Variants in KAZN observed in about 807,000 individuals in gnomAD.
KAZN encodes kazrin.
KAZN carries 40 observed loss-of-function variants against 87.4 expected under a neutral mutation model. That is an observed-to-expected ratio of 0.46 (90% CI 0.36 to 0.60). The LOEUF (loss-of-function observed/expected upper bound fraction) is 0.60. Among genes scored for constraint, KAZN ranks in the 20% least tolerant of loss-of-function variants. KAZN has a pLI of 0.00. For synonymous variants in KAZN, 466 were observed against 458.3 expected (o/e 1.02, Z -0.22); for missense variants, 898 against 1,073.9 (o/e 0.84, Z 2.29).
chr1:14,384,298 A>T (rs563786662), intron 2 of KAZN, among the ~76,000 whole-genome samples: 5 of 151,962 alleles, frequency 3.3e-5, no homozygotes, highest in South Asian at 4.2e-4. Context: ...CTAATTGAAT[A>T]CCCTTTATTT....
At chr1:13,937,706 A>T (rs1171152069) in intron 1 of KAZN, among the ~76,000 whole-genome samples, 1 of 151,230 alleles carries the variant, frequency 6.6e-6, no homozygotes, top group Non-Finnish European at 1.5e-5. Flanking sequence ...TTTTGTGTAT[A>T]GTGAGAGATA....
At chr1:15,102,068 C>T (rs1042801041) in intron 11 of KAZN, among the ~76,000 whole-genome samples, 1 of 152,148 alleles carries the variant, frequency 6.6e-6, no homozygotes, top group Non-Finnish European at 1.5e-5. Flanking sequence ...TGGGAGCCCT[C>T]ATCCTTGGAG....
At chr1:14,399,276 C>T (rs1663177275) in intron 2 of KAZN, among the ~76,000 whole-genome samples, 1 of 152,114 alleles carries the variant, frequency 6.6e-6, no homozygotes, top group African/African-American at 2.4e-5. Flanking sequence ...CTCAGCCTCC[C>T]AGAATGCTGG....
At chr1:14,429,772 A>G (rs1050815253) in intron 2 of KAZN, among the ~76,000 whole-genome samples, 18 of 152,262 alleles carry the variant, frequency 1.2e-4, no homozygotes, top group African/African-American at 3.6e-4. Flanking sequence ...CGTCATCATC[A>G]TCGTCATCAT....
chr1:14,208,436 A>G (rs1282751826), intron 2 of KAZN, among the ~76,000 whole-genome samples: 1 of 152,174 alleles, frequency 6.6e-6, no homozygotes, highest in Non-Finnish European at 1.5e-5. Context: ...TCGTTCACTT[A>G]TTTATTTACT....
At chr1:14,726,638 A>G (rs1220640862) in intron 1 of KAZN, among the ~76,000 whole-genome samples, 1 of 152,246 alleles carries the variant, frequency 6.6e-6, no homozygotes, top group African/African-American at 2.4e-5. Flanking sequence ...AAAAGCGATG[A>G]ATACTTAGGT....
intron 2 of KAZN, 84 bp downstream of exon 2, chr1:14,960,959 G>C (rs1663786502): frequency 7.1e-7 from 1 of 1,401,780 alleles, no homozygotes; most frequent in African/African-American, 1.4e-5. Flanking sequence ...GGGAAGTGAC[G>C]CAGATGGACA....
At chr1:14,061,479 T>G (rs756963096) in intron 1 of KAZN, among the ~76,000 whole-genome samples, 16 of 146,722 alleles carry the variant, frequency 1.1e-4, no homozygotes, top group Non-Finnish European at 1.7e-4. Context: ...GCTGCGGCAT[T>G]GAATATGACC....
At chr1:14,979,021 C>T (rs1452946884) in intron 2 of KAZN, among the ~76,000 whole-genome samples, 3 of 151,916 alleles carry the variant, frequency 2.0e-5, no homozygotes, top group African/African-American at 7.2e-5. Context: ...TCTCCTGCCT[C>T]AGCCTCCTGA....
chr1:14,888,051 C>T (rs1310722509), intron 1 of KAZN, among the ~76,000 whole-genome samples: 2 of 152,048 alleles, frequency 1.3e-5, no homozygotes, highest in Non-Finnish European at 2.9e-5. Context: ...CAGGGAAGCG[C>T]CATGCAGCAC....
At chr1:14,859,135 A>T (rs1248330209) in intron 1 of KAZN, among the ~76,000 whole-genome samples, 1 of 150,964 alleles carries the variant, frequency 6.6e-6, no homozygotes, top group African/African-American at 2.4e-5. Context: ...TGAACCTGGG[A>T]GGTGGAGTTT....
At chr1:14,926,437 T>C (rs1659178333) in intron 1 of KAZN, among the ~76,000 whole-genome samples, 1 of 152,198 alleles carries the variant, frequency 6.6e-6, no homozygotes, top group Admixed American at 6.5e-5. Context: ...CCTCATGGTA[T>C]GTCCGTTTTA....
chr1:14,530,906 C>T (rs773866253), intron 2 of KAZN, among the ~76,000 whole-genome samples: 1 of 152,132 alleles, frequency 6.6e-6, no homozygotes, highest in Admixed American at 6.5e-5. Flanking sequence ...CATGGCGAAA[C>T]CTTGTCTCTA....
intron 2 of KAZN, among the ~76,000 whole-genome samples, chr1:14,473,141 T>G (rs1483633448): frequency 6.6e-6 from 1 of 152,184 alleles, no homozygotes; most frequent in Non-Finnish European, 1.5e-5. Context: ...ACACCTTGAT[T>G]AGGTTTGAGA....
In KAZN at chr1:14,949,797, G is replaced by T. The variant is rs373118725; in HGVS notation, c.227-10887G>T. On this transcript the variant is annotated intron_variant, in intron 1 of 14. Coordinates refer to ENST00000376030, the MANE Select transcript of KAZN (RefSeq NM_201628.3). The surrounding 1 kb of genome is among the most constrained non-coding windows in gnomAD (Gnocchi z 4.3). ...ATGGTTGCTGCCCAGCCTGTGTTTG[G>T]TGAGGGGTGGGTGAAGGCATGCAGG... is the stretch of plus-strand genomic sequence containing the variant. Among the ~76,000 whole-genome samples the T allele has an allele frequency of 2.0e-4, 31 of 152,218 alleles. No individual in the cohort carries two copies. The highest frequency in any genetic ancestry group is 5.2e-4 in the Admixed American group (8 of 15,288).
chr1:14,926,917 G>A (rs985055662), intron 1 of KAZN, among the ~76,000 whole-genome samples: 1 of 152,206 alleles, frequency 6.6e-6, no homozygotes, highest in African/African-American at 2.4e-5. Context: ...GATAGAGGGG[G>A]ATGCTGGCTT....
At chr1:14,676,775 G>T (rs1384149298) in intron 1 of KAZN, among the ~76,000 whole-genome samples, 1 of 152,118 alleles carries the variant, frequency 6.6e-6, no homozygotes, top group Non-Finnish European at 1.5e-5. Flanking sequence ...AAAGCAGATT[G>T]GTGGGTGCCA....
chr1:14,525,785 T>C (rs1288563039), intron 2 of KAZN, among the ~76,000 whole-genome samples: 2 of 152,270 alleles, frequency 1.3e-5, no homozygotes, highest in Non-Finnish European at 2.9e-5. Flanking sequence ...TGAATATTTA[T>C]GCTAGCTACT....
At position 14,453,591 on chromosome 1, in the gene KAZN, T is replaced by A. The variant is rs561895158; in HGVS notation, c.250-145392T>A. On this transcript the variant is annotated intron_variant, in intron 2 of 16. Transcript: ENST00000636203. ...TGTCTCATGCCTGTAATTCCAGCAC[T>A]TTGGGAGGCCAAGGTGGGCGGATCA... Among the ~76,000 whole-genome samples the A allele has an allele frequency of 5.9e-5, 9 of 152,266 alleles. 1 individual carries two copies. The East Asian group carries it at 1.7e-3, about 30-fold the overall frequency.
Sources: gnomAD v4.1 joint callset for allele counts (sites outside exome capture counted in the v4.1 genomes callset) on GRCh38, gnomAD v4.1.1 for gene constraint, Gnocchi (gnomAD v3.1) non-coding constraint, MANE v1.5 for transcripts, NCBI Gene and HGNC (gene_info 2026-07-23, HGNC 2026-07-21) for gene names.